The following BANK1 variants were observed in gnomAD, a reference collection of about 807,000 sequenced individuals.
BANK1 encodes B-cell scaffold protein with ankyrin repeats.
Under a neutral mutation model 94.5 loss-of-function variants are expected in BANK1, and 95 were observed. The ratio of observed to expected loss-of-function variants is 1.00; its 90% CI spans 0.85 to 1.19. The LOEUF (loss-of-function observed/expected upper bound fraction) is 1.19. Among genes scored for constraint, BANK1 ranks in the 50% most tolerant of loss-of-function variants. The probability of loss-of-function intolerance (pLI) is 0.00; values close to 1 mark genes in which losing one functional copy is unlikely to be tolerated. For missense variants in BANK1, 987 were observed against 932.2 expected (o/e 1.06, Z -0.77); for synonymous variants, 334 against 308.4 (o/e 1.08, Z -0.87).
intron 1 of BANK1, among the ~76,000 whole-genome samples, chr4:101,824,759 C>A (rs1726301055): frequency 6.6e-6 from 1 of 151,482 alleles, no homozygotes; most frequent in African/African-American, 2.4e-5. Context: ...ATTATGCAAT[C>A]TTTTTCCATT....
intron 11 of BANK1, among the ~76,000 whole-genome samples, chr4:102,055,428 G>C (rs1403322388): frequency 6.6e-6 from 1 of 151,934 alleles, no homozygotes; most frequent in African/African-American, 2.4e-5. Flanking sequence ...GTTAGGGATA[G>C]AAACAAGATA....
Position 102,074,192 on chromosome 4 carries a change from A to G in BANK1, c.*193A>G, listed in dbSNP as rs1279616399. On this transcript the variant is annotated 3_prime_UTR_variant, in exon 17 of 17. Coordinates refer to ENST00000322953, the MANE Select transcript of BANK1 (RefSeq NM_017935.5). ...ACCTGCTTCATATGGGTATATTACT[A>G]TTAAAACAGAATACCATAGAGTAAT... 6.5e-6 allele frequency: 1 copy of G among 153,492 alleles called. No homozygotes were observed. Among genetic ancestry groups the G allele is most frequent in the Non-Finnish European group, 1.5e-5 (1 of 68,780 alleles). 9.5% of individuals were successfully genotyped at this position (153,492 alleles called of 1,614,324 possible). A position where few individuals can be genotyped will look rare whatever the true frequency, so the allele number is the denominator to read the frequency against.
intron 11 of BANK1, among the ~76,000 whole-genome samples, chr4:102,059,569 G>A (rs1156412759): frequency 6.6e-6 from 1 of 152,072 alleles, no homozygotes; most frequent in East Asian, 1.9e-4. Flanking sequence ...GTTCACCCAT[G>A]GTCTGCCAGT....
At chr4:101,861,048 C>G (rs1296288995) in intron 3 of BANK1, among the ~76,000 whole-genome samples, 1 of 152,160 alleles carries the variant, frequency 6.6e-6, no homozygotes, top group African/African-American at 2.4e-5. Flanking sequence ...ATGTGAGGAA[C>G]AGGAGGGCTT....
intron 7 of BANK1, among the ~76,000 whole-genome samples, chr4:102,005,658 A>C (rs1726235374): frequency 6.6e-6 from 1 of 152,220 alleles, no homozygotes; most frequent in East Asian, 1.9e-4. Context: ...TATTTGCATT[A>C]TGATAGAAAA....
chr4:101,799,226 C>G (rs1271899207), intron 1 of BANK1, among the ~76,000 whole-genome samples: 1 of 152,152 alleles, frequency 6.6e-6, no homozygotes, highest in Non-Finnish European at 1.5e-5. Flanking sequence ...GGAATCCTTT[C>G]CCCATTTCTT....
intron 10 of BANK1, among the ~76,000 whole-genome samples, chr4:102,043,305 C>T (rs965122794): frequency 3.9e-5 from 6 of 152,022 alleles, no homozygotes; most frequent in African/African-American, 1.4e-4. Flanking sequence ...GAACAAAGCA[C>T]TTTTCAGATA....
Position 101,870,520 on chromosome 4 carries a change from C to T in BANK1, c.779C>T (p.Ser260Leu). ...TTTTCATAAGAGTTTCCTGCTGGTT[C>T]AGTCCATGTCAATGTCTACTGTGAT... is the stretch of plus-strand genomic sequence containing the variant. ...CMKALEFPAGSVHVNVYCDGI... is the reference protein window; with the variant it reads ...CMKALEFPAGLVHVNVYCDGI... The change falls in exon 5 of 17, where the codon TCA becomes TTA. Residue 260 changes from serine to leucine, a missense_variant. Coordinates refer to ENST00000322953, the MANE Select transcript of BANK1 (RefSeq NM_017935.5). 2 of 1,611,670 alleles carry T rather than the reference C, an allele frequency of 1.2e-6. No homozygotes were observed. Among genetic ancestry groups the T allele is most frequent in the Non-Finnish European group, 1.7e-6 (2 of 1,178,738 alleles).
At chr4:101,808,161 T>TA (rs993821408) in intron 1 of BANK1, among the ~76,000 whole-genome samples, 6 of 152,134 alleles carry the variant, frequency 3.9e-5, no homozygotes, top group African/African-American at 1.4e-4. Flanking sequence ...CCTGGCCTCT[T>TA]AACCACTATA....
At chr4:101,827,603 T>C (rs1408465403) in intron 1 of BANK1, among the ~76,000 whole-genome samples, 1 of 152,026 alleles carries the variant, frequency 6.6e-6, no homozygotes, top group Non-Finnish European at 1.5e-5. Context: ...GTTCTATATG[T>C]ACGTGTATTC....
intron 10 of BANK1, among the ~76,000 whole-genome samples, chr4:102,034,212 T>C (rs915883704): frequency 1.3e-5 from 2 of 152,122 alleles, no homozygotes; most frequent in Non-Finnish European, 2.9e-5. Context: ...AGATTGGGAA[T>C]AGAAGATAGA....
intron 5 of BANK1, among the ~76,000 whole-genome samples, chr4:101,894,998 G>A (rs188063619): frequency 6.6e-6 from 1 of 151,578 alleles, no homozygotes; most frequent in Non-Finnish European, 1.5e-5. Flanking sequence ...TTGACCTATT[G>A]TAATTCTCTT....
chr4:101,988,472 C>T (rs1390383068), intron 7 of BANK1, among the ~76,000 whole-genome samples: 2 of 152,124 alleles, frequency 1.3e-5, no homozygotes, highest in African/African-American at 4.8e-5. Context: ...GTTTTGTTCA[C>T]TCTTCTCTTT....
In BANK1 at chr4:101,925,370, T is replaced by C. The variant is rs887116085; in HGVS notation, c.1206+7181T>C. Among the ~76,000 whole-genome samples, 6 of 151,728 alleles carry C rather than the reference T, an allele frequency of 4.0e-5. No homozygotes were observed. The South Asian group carries it at 8.3e-4, about 21-fold the overall frequency. On this transcript the variant is annotated intron_variant, in intron 7 of 16. Coordinates refer to ENST00000322953, the MANE Select transcript of BANK1 (RefSeq NM_017935.5). ...TACCAAATGCCATAGCTGCTATGAA[T>C]GCAATCATGGTATATGAGGACAAGT...
chr4:101,975,403 A>T (rs746038967), intron 7 of BANK1, among the ~76,000 whole-genome samples: 3 of 152,158 alleles, frequency 2.0e-5, no homozygotes, highest in Non-Finnish European at 4.4e-5. Context: ...ACTGCTTTTT[A>T]TATTTCCTCT....
intron 7 of BANK1, among the ~76,000 whole-genome samples, chr4:101,947,370 G>T (rs1159446945): frequency 2.1e-5 from 3 of 145,328 alleles, no homozygotes; most frequent in Admixed American, 7.1e-5. Flanking sequence ...TCTTCATCTG[G>T]TAAAGGATTG....
intron 1 of BANK1, among the ~76,000 whole-genome samples, chr4:101,816,154 G>A (rs1204329997): frequency 6.6e-6 from 1 of 152,164 alleles, no homozygotes; most frequent in Admixed American, 6.5e-5. Context: ...GGCATTTGTT[G>A]ATCACCGATG....
At chr4:101,949,511 G>T (rs1724058647) in intron 7 of BANK1, among the ~76,000 whole-genome samples, 1 of 152,088 alleles carries the variant, frequency 6.6e-6, no homozygotes, top group African/African-American at 2.4e-5. Context: ...ACTTAACATT[G>T]CTGGGCGCAC....
At position 101,894,087 on chromosome 4, in the gene BANK1, G is replaced by A. The variant is rs984343839; in HGVS notation, c.904-1218G>A. 5.3e-5 allele frequency among the ~76,000 whole-genome samples: 8 copies of A among 151,966 alleles called. No individual in the cohort carries two copies. In the South Asian group the frequency reaches 1.2e-3, roughly 24 times the overall value. On this transcript the variant is annotated intron_variant, in intron 5 of 16. Transcript: ENST00000322953. ...GCCTTTGCTGGCCAGTTCTTTCTTC[G>A]TGCAATTGAGGCAGTTTCCTTTTGC...
Sources: gnomAD v4.1 joint callset for allele counts (sites outside exome capture counted in the v4.1 genomes callset) on GRCh38, gnomAD v4.1.1 for gene constraint, MANE v1.5 for transcripts, NCBI Gene and HGNC (gene_info 2026-07-23, HGNC 2026-07-21) for gene names.